The following PRELID2 variants were observed in gnomAD, a reference collection of about 807,000 sequenced individuals.
PRELID2 encodes PRELI domain-containing protein 2.
Under a neutral mutation model 28.4 loss-of-function variants are expected in PRELID2, and 25 were observed. The ratio of observed to expected loss-of-function variants is 0.88; its 90% confidence interval spans 0.64 to 1.23. The LOEUF (loss-of-function observed/expected upper bound fraction) is 1.23. Among genes scored for constraint, PRELID2 ranks in the 50% most tolerant of loss-of-function variants. PRELID2 has a pLI of 0.00. For synonymous variants in PRELID2, 76 were observed against 71.6 expected (o/e 1.06, Z -0.31); for missense variants, 201 against 214.4 (o/e 0.94, Z 0.39).
At position 145,496,487 on chromosome 5, in the gene PRELID2, C is replaced by A. The variant is rs117089679; in HGVS notation, n.71-23172G>T. On this transcript the variant is annotated intron_variant and non_coding_transcript_variant, in intron 1 of 2. Coordinates refer to the PRELID2 transcript ENST00000510259. Reference sequence around the variant, plus strand: ...TGGAGATCTGAAAGTAAGAGATAAACCAGCAAAAGGAACCAAGAGGGATTG... The same window carrying A: ...TGGAGATCTGAAAGTAAGAGATAAAACAGCAAAAGGAACCAAGAGGGATTG... 2.2e-4 allele frequency among the ~76,000 whole-genome samples: 33 copies of A among 152,236 alleles called. No individual in the cohort carries two copies. In the East Asian group the frequency reaches 6.0e-3, roughly 28 times the overall value.
At chr5:145,768,085 C>T (rs963637723) in intron 5 of PRELID2, among the ~76,000 whole-genome samples, 5 of 151,696 alleles carry the variant, frequency 3.3e-5, no homozygotes, top group East Asian at 1.9e-4. Flanking sequence ...GTTAGCTGGG[C>T]GTGGTGGTGG....
rs561094020 is a variant in PRELID2 at position 145,748,327 on chromosome 5, G to A, written n.70+16604C>T. On this transcript the variant is annotated intron_variant and non_coding_transcript_variant, in intron 1 of 2. Coordinates refer to the PRELID2 transcript ENST00000510259. ...GCAAAAATCACAAGCATTGCTTTAC[G>A]TTAACAATAGACAGAGAGCCAAATC... Among the ~76,000 whole-genome samples, 25 of 151,168 alleles carry A rather than the reference G, an allele frequency of 1.7e-4. 1 individual carries two copies. Among genetic ancestry groups the A allele is most frequent in the South Asian group, 4.2e-4 (2 of 4,802 alleles).
chr5:145,373,085 T>C, the PRELID2 span, among the ~76,000 whole-genome samples: 1 of 56,846 alleles, frequency 1.8e-5, no homozygotes, highest in Non-Finnish European at 2.9e-5. Context: ...TTACAACATA[T>C]ATAATATATA....
the PRELID2 span, among the ~76,000 whole-genome samples, chr5:145,286,954 C>T: frequency 2.0e-5 from 3 of 152,148 alleles, no homozygotes; most frequent in South Asian, 6.2e-4. Context: ...AGGTGATCTG[C>T]CCGCCTCAGC....
rs534281389 is a variant in PRELID2, at chr5:145,835,322, G to C, written c.-71C>G. ...TCAGAGCTGCCCAGGGCTCCGCAGA[G>C]GCCCGGAGGCGCCCACACTCGGACA... On this transcript the variant is annotated 5_prime_UTR_variant, in exon 1 of 7. Transcript: ENST00000683046. 21,693 of 1,037,072 alleles carry C rather than the reference G, an allele frequency of 0.021. 331 individuals carry two copies. The highest frequency in any genetic ancestry group is 0.024 in the Non-Finnish European group (16,696 of 709,014). The allele number at this position is 1,037,072 out of a possible 1,614,324, so 64.2% of individuals were successfully genotyped here.
chr5:145,597,309 T>C (rs913743288), intron 1 of PRELID2, among the ~76,000 whole-genome samples: 3 of 152,144 alleles, frequency 2.0e-5, no homozygotes, highest in Admixed American at 6.6e-5. Context: ...GAAAAGGTAG[T>C]ACCCAGTCTT....
At chr5:145,395,174 T>G in the PRELID2 span, among the ~76,000 whole-genome samples, 46,964 of 151,788 alleles carry the variant, frequency 0.31, 7,749 homozygotes, top group East Asian at 0.69. Flanking sequence ...CATCTATAAT[T>G]TATAGCTAGA....
At chr5:145,784,906 T>C (rs1253208641) in intron 5 of PRELID2, among the ~76,000 whole-genome samples, 1 of 152,070 alleles carries the variant, frequency 6.6e-6, no homozygotes, top group Non-Finnish European at 1.5e-5. Flanking sequence ...TTATGAATGA[T>C]TTTATCTTAC....
At chr5:145,392,023 C>T in the PRELID2 span, among the ~76,000 whole-genome samples, 3 of 152,142 alleles carry the variant, frequency 2.0e-5, no homozygotes, top group East Asian at 3.9e-4. Context: ...CCCACATTTT[C>T]CTGTCTTCTT....
the PRELID2 span, among the ~76,000 whole-genome samples, chr5:145,336,167 A>C: frequency 3.3e-5 from 5 of 152,174 alleles, no homozygotes; most frequent in East Asian, 9.6e-4. Flanking sequence ...TAGATTCCGG[A>C]TATTAGCCCT....
chr5:145,315,189 C>G, the PRELID2 span, among the ~76,000 whole-genome samples: 1 of 151,298 alleles, frequency 6.6e-6, no homozygotes. Context: ...CCTGCCTCAG[C>G]CTCCCGAGTA....
intron 4 of PRELID2, among the ~76,000 whole-genome samples, chr5:145,816,144 G>A (rs746514450): frequency 3.6e-5 from 5 of 139,436 alleles, no homozygotes; most frequent in Non-Finnish European, 7.5e-5. Context: ...GTGCCATGGT[G>A]CGATCTCGGC....
chr5:145,549,987 G>GC (rs1752821116), intron 1 of PRELID2, among the ~76,000 whole-genome samples: 1 of 152,064 alleles, frequency 6.6e-6, no homozygotes, highest in Non-Finnish European at 1.5e-5. Context: ...CACAAGGGAG[G>GC]CATTGAGGAG....
At chr5:145,520,033 G>A (rs1314977535) in intron 1 of PRELID2, among the ~76,000 whole-genome samples, 4 of 152,116 alleles carry the variant, frequency 2.6e-5, no homozygotes, top group African/African-American at 4.8e-5. Flanking sequence ...TCAGGATTCC[G>A]ACCAATTTGA....
chr5:145,411,280 T>A, the PRELID2 span, among the ~76,000 whole-genome samples: 7 of 152,164 alleles, frequency 4.6e-5, no homozygotes, highest in Non-Finnish European at 1.0e-4. Context: ...CATAAAGCCA[T>A]CAGATCTCAT....
the PRELID2 span, among the ~76,000 whole-genome samples, chr5:145,343,514 AAAG>A: frequency 6.6e-6 from 1 of 151,972 alleles, no homozygotes; most frequent in Admixed American, 6.6e-5. Context: ...AGATACAACA[AAAG>A]TAGTACTGAG....
the PRELID2 span, among the ~76,000 whole-genome samples, chr5:145,273,757 T>C: frequency 6.6e-5 from 10 of 152,124 alleles, no homozygotes; most frequent in Non-Finnish European, 1.5e-4. Context: ...AATCACTCTT[T>C]GGGAACAAAT....
intron 1 of PRELID2, among the ~76,000 whole-genome samples, chr5:145,590,408 G>T (rs1190292206): frequency 6.6e-6 from 1 of 152,030 alleles, no homozygotes; most frequent in African/African-American, 2.4e-5. Flanking sequence ...TTATGTATGT[G>T]TTTGCTTATT....
the PRELID2 span, among the ~76,000 whole-genome samples, chr5:145,401,262 T>G: frequency 6.6e-6 from 1 of 152,034 alleles, no homozygotes. Flanking sequence ...CCTAGCCCAT[T>G]ATCCTTGGTA....
Sources: allele counts gnomAD v4.1 joint callset (sites outside exome capture counted in the v4.1 genomes callset), GRCh38; gene constraint gnomAD v4.1.1; transcripts MANE v1.5; gene names NCBI Gene and HGNC (gene_info 2026-07-23, HGNC 2026-07-21).